CAST: variants seen among roughly 807,000 people sequenced by gnomAD.
CAST encodes the protein calpastatin.
CAST carries 76 observed loss-of-function variants against 119.6 expected under a neutral mutation model. The ratio of observed to expected loss-of-function variants is 0.64; its 90% CI spans 0.53 to 0.77. The LOEUF is 0.77. Ranked by LOEUF, CAST falls within the 30% of genes least tolerant of loss-of-function variation. The pLI is 0.00. For missense variants in CAST, 953 were observed against 946.5 expected (o/e 1.01, Z -0.09); for synonymous variants, 319 against 331.6 (o/e 0.96, Z 0.41).
chr5:96,568,125 T>A (rs1490540128), intron 1 of CAST, among the ~76,000 whole-genome samples: 1 of 152,030 alleles, frequency 6.6e-6, no homozygotes, highest in African/African-American at 2.4e-5. Context: ...CCTTTCGCAT[T>A]TTTAGGTGTG....
At chr5:96,638,916 C>CT (rs1747916008) in intron 1 of CAST, among the ~76,000 whole-genome samples, 1 of 152,142 alleles carries the variant, frequency 6.6e-6, no homozygotes, top group African/African-American at 2.4e-5. Context: ...ACCGCAGCAC[C>CT]TAAGGACATT....
At chr5:96,697,159 C>T (rs1405310472) in intron 3 of CAST, among the ~76,000 whole-genome samples, 5 of 151,810 alleles carry the variant, frequency 3.3e-5, no homozygotes, top group Admixed American at 3.3e-4. Context: ...AAAGTGAGAC[C>T]CTGTCTCAAA....
intron 1 of CAST, among the ~76,000 whole-genome samples, chr5:96,559,703 G>C (rs998199482): frequency 6.6e-6 from 1 of 152,186 alleles, no homozygotes; most frequent in Non-Finnish European, 1.5e-5. Context: ...TGAAATAAAA[G>C]AGGATACAAG....
At chr5:96,406,071 C>T in the CAST span, among the ~76,000 whole-genome samples, 31 of 152,130 alleles carry the variant, frequency 2.0e-4, no homozygotes, top group Admixed American at 3.3e-4. Context: ...ATCACTGACC[C>T]CAACAATTCA....
the CAST span, among the ~76,000 whole-genome samples, chr5:96,075,185 T>A: frequency 6.6e-6 from 1 of 152,224 alleles, no homozygotes; most frequent in Non-Finnish European, 1.5e-5. Flanking sequence ...TTTAGAGCTT[T>A]GTTTTGATCT....
At chr5:96,502,853 C>T in the CAST span, among the ~76,000 whole-genome samples, 1 of 152,172 alleles carries the variant, frequency 6.6e-6, no homozygotes, top group Non-Finnish European at 1.5e-5. Flanking sequence ...ACATGGCACT[C>T]TATAATACAG....
At chr5:96,296,165 T>C in the CAST span, among the ~76,000 whole-genome samples, 1 of 152,224 alleles carries the variant, frequency 6.6e-6, no homozygotes, top group African/African-American at 2.4e-5. Flanking sequence ...AAAAATCTAA[T>C]TGGATTTCAG....
chr5:96,640,401 T>G (rs1464245147), intron 1 of CAST, among the ~76,000 whole-genome samples: 6 of 152,182 alleles, frequency 3.9e-5, no homozygotes, highest in African/African-American at 1.4e-4. Context: ...AGAACTTAAG[T>G]CACACACATA....
chr5:96,102,459 G>C, the CAST span, among the ~76,000 whole-genome samples: 1 of 152,104 alleles, frequency 6.6e-6, no homozygotes. Context: ...GGCACAGGAT[G>C]GGGGGCAATA....
chr5:96,452,640 TAAAAAAAAAAAA>T, the CAST span, among the ~76,000 whole-genome samples: 148 of 90,134 alleles, frequency 1.6e-3, 1 homozygote, highest in African/African-American at 5.1e-3. Context: ...TAAAGTATAA[TAAAAAAAAAAAA>T]AAAAAAAAAA....
At chr5:96,159,314 TG>T in the CAST span, among the ~76,000 whole-genome samples, 3 of 152,104 alleles carry the variant, frequency 2.0e-5, no homozygotes, top group East Asian at 5.8e-4. Context: ...GGTGCCAGAG[TG>T]GGCAGGACTA....
At chr5:96,671,371 T>C (rs73774367) in intron 1 of CAST, among the ~76,000 whole-genome samples, 3,517 of 152,314 alleles carry the variant, frequency 0.023, 141 homozygotes, top group African/African-American at 0.08. Context: ...TTTTCATGTT[T>C]TGTTATTTTT....
At chr5:96,081,685 G>A in the CAST span, among the ~76,000 whole-genome samples, 1 of 152,300 alleles carries the variant, frequency 6.6e-6, no homozygotes, top group African/African-American at 2.4e-5. Flanking sequence ...CTGCTTCAGA[G>A]AGATAGAGGG....
intron 1 of CAST, among the ~76,000 whole-genome samples, chr5:96,577,944 A>T (rs1746703755): frequency 1.3e-5 from 2 of 152,060 alleles, no homozygotes; most frequent in South Asian, 2.1e-4. Context: ...ATGTCATTAG[A>T]TCCTGTTTGT....
intron 1 of CAST, among the ~76,000 whole-genome samples, chr5:96,635,344 C>A (rs990065967): frequency 6.6e-6 from 1 of 152,066 alleles, no homozygotes; most frequent in African/African-American, 2.4e-5. Flanking sequence ...ATAAGAAAGC[C>A]TAGAAAGAAC....
chr5:96,039,412 C>T, the CAST span, among the ~76,000 whole-genome samples: 1 of 151,980 alleles, frequency 6.6e-6, no homozygotes, highest in Admixed American at 6.6e-5. Flanking sequence ...CTTTTGTTGC[C>T]ATTGCTTTTG....
At chr5:96,487,729 A>T in the CAST span, among the ~76,000 whole-genome samples, 1 of 152,240 alleles carries the variant, frequency 6.6e-6, no homozygotes, top group African/African-American at 2.4e-5. Flanking sequence ...TTCCTCTTGA[A>T]GAAAGTACTT....
the CAST span, among the ~76,000 whole-genome samples, chr5:96,081,451 A>G: frequency 3.9e-5 from 6 of 152,304 alleles, no homozygotes; most frequent in South Asian, 1.2e-3. Flanking sequence ...CGGAAGTGGG[A>G]AAGGGAAGAG....
At chr5:96,393,343 G>A in the CAST span, 12 of 1,614,056 alleles carry the variant, frequency 7.4e-6, no homozygotes, top group South Asian at 1.3e-4. Flanking sequence ...TGGACACCAG[G>A]GTGTTCTCCT....
Sources: gnomAD v4.1 joint callset for allele counts (sites outside exome capture counted in the v4.1 genomes callset) on GRCh38, gnomAD v4.1.1 for gene constraint, MANE v1.5 for transcripts, NCBI Gene and HGNC (gene_info 2026-07-23, HGNC 2026-07-21) for gene names.